GRIP1: variants seen among roughly 807,000 people sequenced by gnomAD.
GRIP1 encodes the protein glutamate receptor interacting protein 1.
Under a neutral mutation model 129.9 loss-of-function variants are expected in GRIP1, and 45 were observed. The ratio of observed to expected loss-of-function variants is 0.35; its 90% CI spans 0.27 to 0.44. GRIP1 has a LOEUF of 0.44. Ranked by LOEUF, GRIP1 falls within the 20% of genes least tolerant of loss-of-function variation. The pLI is 1.00. For synonymous variants in GRIP1, 530 were observed against 520.8 expected (o/e 1.02, Z -0.24); for missense variants, 1,196 against 1,396.8 (o/e 0.86, Z 2.29).
chr12:66,853,315 G>C (rs1216900640), intron 1 of GRIP1, among the ~76,000 whole-genome samples: 1 of 151,674 alleles, frequency 6.6e-6, no homozygotes, highest in East Asian at 1.9e-4. Flanking sequence ...TTTATCATCT[G>C]TCAGCAGCCA....
intron 1 of GRIP1, among the ~76,000 whole-genome samples, chr12:66,642,429 G>GTA (rs917715570): frequency 2.0e-5 from 3 of 152,004 alleles, no homozygotes; most frequent in African/African-American, 7.3e-5. Context: ...GTGTGTGTGT[G>GTA]TGGTAGGGCA....
chr12:66,544,325 C>T (rs1565846790), intron 2 of GRIP1, among the ~76,000 whole-genome samples: 1 of 152,104 alleles, frequency 6.6e-6, no homozygotes, highest in East Asian at 1.9e-4. Context: ...TATTGAATGC[C>T]TACTCTGAGC....
intron 1 of GRIP1, among the ~76,000 whole-genome samples, chr12:66,646,054 C>T (rs2032336502): frequency 6.6e-6 from 1 of 152,142 alleles, no homozygotes; most frequent in Admixed American, 6.5e-5. Flanking sequence ...ACTGACTCTG[C>T]CATGGCTTTC....
chr12:67,051,545 C>T (rs1487383911), intron 1 of GRIP1, among the ~76,000 whole-genome samples: 1 of 152,146 alleles, frequency 6.6e-6, no homozygotes, highest in African/African-American at 2.4e-5. Context: ...AGGAAGTTCC[C>T]CAGGAAGGGG....
upstream of GRIP1, among the ~76,000 whole-genome samples, chr12:66,679,444 CAAAAA>C (rs10691128): frequency 7.5e-4 from 88 of 117,410 alleles, no homozygotes; most frequent in East Asian, 2.3e-3. Context: ...AAACAACAAC[CAAAAA>C]AAAAAAAAAA....
At chr12:66,864,172 G>A (rs1252261) in intron 1 of GRIP1, among the ~76,000 whole-genome samples, 152,120 of 152,194 alleles carry the variant, frequency 1, 76,023 homozygotes, top group East Asian at 1. Flanking sequence ...TGCCAAAAGT[G>A]ATGATACTCA....
chr12:66,642,288 G>A (rs1365241660), intron 1 of GRIP1, among the ~76,000 whole-genome samples: 1 of 98,714 alleles, frequency 1.0e-5, no homozygotes, highest in Non-Finnish European at 2.5e-5. Flanking sequence ...ACTCCAGCAA[G>A]AGGGAACTCC....
intron 19 of GRIP1, among the ~76,000 whole-genome samples, chr12:66,390,070 C>T (rs2056523269): frequency 6.6e-6 from 1 of 152,144 alleles, no homozygotes; most frequent in African/African-American, 2.4e-5. Flanking sequence ...CAAGTGAGAG[C>T]TTTAGAGTCA....
intron 1 of GRIP1, among the ~76,000 whole-genome samples, chr12:66,939,352 CAA>C (rs67948148): frequency 0.18 from 27,852 of 152,014 alleles, 3,161 homozygotes; most frequent in South Asian, 0.26. Context: ...GTCTCAAAAA[CAA>C]AAACAGTTAA....
intron 1 of GRIP1, among the ~76,000 whole-genome samples, chr12:67,067,064 C>T (rs1385584831): frequency 6.6e-6 from 1 of 151,834 alleles, no homozygotes; most frequent in African/African-American, 2.4e-5. Flanking sequence ...AGAAAAGCAT[C>T]TCTTAATTAA....
At chr12:66,403,446 A>G (rs1462529925) in intron 16 of GRIP1, among the ~76,000 whole-genome samples, 1 of 152,210 alleles carries the variant, frequency 6.6e-6, no homozygotes, top group African/African-American at 2.4e-5. Context: ...AAATGAATTC[A>G]GATACTCAAA....
intron 1 of GRIP1, among the ~76,000 whole-genome samples, chr12:67,056,792 G>GGTTTT (rs550158862): frequency 1.3e-4 from 20 of 151,962 alleles, no homozygotes; most frequent in Admixed American, 2.6e-4. Flanking sequence ...TGGACTGAAT[G>GGTTTT]GTTTTGTTTT....
intron 19 of GRIP1, among the ~76,000 whole-genome samples, chr12:66,383,123 C>T (rs2056193448): frequency 6.6e-6 from 1 of 151,966 alleles, no homozygotes; most frequent in Non-Finnish European, 1.5e-5. Context: ...ATAGCGAAAG[C>T]CCATCACTAC....
chr12:66,891,261 A>G (rs2040652961), intron 1 of GRIP1, among the ~76,000 whole-genome samples: 1 of 152,226 alleles, frequency 6.6e-6, no homozygotes, highest in Non-Finnish European at 1.5e-5. Context: ...AAGGCCTTGC[A>G]TAGCCTTACT....
intron 1 of GRIP1, among the ~76,000 whole-genome samples, chr12:66,904,755 G>A (rs941864682): frequency 6.6e-6 from 1 of 152,150 alleles, no homozygotes; most frequent in Non-Finnish European, 1.5e-5. Context: ...AGCTGGTCAT[G>A]GTGGCAGGTG....
At chr12:66,446,882 C>G (rs540625418) in intron 11 of GRIP1, among the ~76,000 whole-genome samples, 1 of 152,172 alleles carries the variant, frequency 6.6e-6, no homozygotes, top group African/African-American at 2.4e-5. Context: ...ATATCTGAAT[C>G]CCCCTTGTTG....
intron 4 of GRIP1, among the ~76,000 whole-genome samples, chr12:66,531,096 G>T (rs914940426): frequency 6.6e-6 from 1 of 151,648 alleles, no homozygotes; most frequent in Non-Finnish European, 1.5e-5. Context: ...TCAGCTGGGC[G>T]TGGTGGAAGA....
At chr12:66,450,251 C>T (rs1185420485) in intron 11 of GRIP1, among the ~76,000 whole-genome samples, 2 of 121,378 alleles carry the variant, frequency 1.6e-5, no homozygotes, top group East Asian at 5.4e-4. Context: ...TTGCAGTGAG[C>T]GGAGATCTCG....
At chr12:66,670,098 T>C (rs920703567) in intron 1 of GRIP1, among the ~76,000 whole-genome samples, 3 of 152,086 alleles carry the variant, frequency 2.0e-5, no homozygotes, top group Non-Finnish European at 4.4e-5. Context: ...CTCCTTTGCA[T>C]GAGTAGCTAT....
Sources: gnomAD v4.1 joint callset for allele counts (sites outside exome capture counted in the v4.1 genomes callset) on GRCh38, gnomAD v4.1.1 for gene constraint, MANE v1.5 for transcripts, NCBI Gene and HGNC (gene_info 2026-07-23, HGNC 2026-07-21) for gene names.